ABCB5: variants seen among roughly 807,000 people sequenced by gnomAD.
ABCB5 encodes ATP binding cassette subfamily B member 5, also known as ATP-binding cassette sub-family B member 5.
In ABCB5, 155 loss-of-function variants were observed where a neutral mutation model predicts 144.2. That is an observed-to-expected ratio of 1.08 (90% CI 0.94 to 1.23). The LOEUF (loss-of-function observed/expected upper bound fraction) is 1.23. Among genes scored for constraint, ABCB5 ranks in the 50% most tolerant of loss-of-function variants. The pLI is 0.00. For missense variants in ABCB5, 1,830 were observed against 1,520.8 expected (o/e 1.20, Z -3.38); for synonymous variants, 610 against 528.6 (o/e 1.15, Z -2.11).
intron 7 of ABCB5, among the ~76,000 whole-genome samples, chr7:20,644,929 A>T (rs1784369251): frequency 6.6e-6 from 1 of 152,224 alleles, no homozygotes; most frequent in Admixed American, 6.5e-5. Flanking sequence ...ATTTGAAATG[A>T]GGAAGGAAAT....
At chr7:20,648,160 T>C in intron 11 of ABCB5, 82 bp downstream of exon 11, 1 of 858,506 alleles carries the variant, frequency 1.2e-6, no homozygotes, top group Non-Finnish European at 1.8e-6. Context: ...CATGATTACT[T>C]AGGATCACTT....
intron 13 of ABCB5, among the ~76,000 whole-genome samples, chr7:20,657,333 G>A (rs996554480): frequency 1.3e-5 from 2 of 152,106 alleles, no homozygotes; most frequent in African/African-American, 2.4e-5. Flanking sequence ...AAAACTCATT[G>A]CTTTTCTGAA....
At chr7:20,744,586 T>C (rs1042998053) in intron 25 of ABCB5, among the ~76,000 whole-genome samples, 2 of 150,230 alleles carry the variant, frequency 1.3e-5, no homozygotes, top group African/African-American at 4.9e-5. Context: ...GTTTATTGCA[T>C]GCCTCTCTGC....
At chr7:20,750,174 T>C (rs1366637883) in intron 26 of ABCB5, among the ~76,000 whole-genome samples, 3 of 152,178 alleles carry the variant, frequency 2.0e-5, no homozygotes, top group Non-Finnish European at 2.9e-5. Context: ...AGTTCAGAGC[T>C]ATTTCCAGGG....
chr7:20,647,159 A>AG (rs1465886900), intron 9 of ABCB5: 1 of 374,808 alleles, frequency 2.7e-6, no homozygotes, highest in Non-Finnish European at 3.7e-6. Context: ...TTAAAGTTCA[A>AG]GGGGTCACCC....
chr7:20,750,381 C>A (rs1208573644), intron 26 of ABCB5, among the ~76,000 whole-genome samples: 1 of 134,996 alleles, frequency 7.4e-6, no homozygotes, highest in Non-Finnish European at 1.6e-5. Flanking sequence ...AAGGCTTCCC[C>A]CTACACACAC....
intron 5 of ABCB5, chr7:20,641,960 C>G (rs1784305287): frequency 6.6e-6 from 1 of 152,258 alleles, no homozygotes; most frequent in African/African-American, 2.4e-5. Flanking sequence ...CAAAATACAC[C>G]TAAAATCTAT....
chr7:20,649,199 C>T (rs1291909553), intron 11 of ABCB5, among the ~76,000 whole-genome samples: 1 of 152,156 alleles, frequency 6.6e-6, no homozygotes, highest in African/African-American at 2.4e-5. Flanking sequence ...GGTACTCCTA[C>T]TGGTGGTCCC....
At chr7:20,709,901 C>T (rs906913927) in intron 20 of ABCB5, among the ~76,000 whole-genome samples, 1 of 148,596 alleles carries the variant, frequency 6.7e-6, no homozygotes, top group Non-Finnish European at 1.5e-5. Flanking sequence ...ATGGTGAAAC[C>T]CTGTCTCTAC....
rs761362365 is a variant in ABCB5, at chr7:20,646,060, C to A, written c.903C>A (p.Thr301=). The A allele has an allele frequency of 6.2e-7, 1 of 1,613,734 alleles. No individual in the cohort carries two copies. Among genetic ancestry groups the A allele is most frequent in the African/African-American group, 1.3e-5 (1 of 75,006 alleles). The part of the protein sequence containing the change: ...LGAVYFFMNG[T]YGLAFWYGTS... ...CTGTGTACTTCTTTATGAATGGAAC[C>A]TATGGACTTGCTTTTTGGTATGGAA... is the stretch of plus-strand genomic sequence containing the variant. The change falls in exon 9 of 28, where the codon ACC becomes ACA. Residue 301 remains threonine (T), a synonymous_variant. Transcript: ENST00000404938.
At chr7:20,702,941 GTTTTCATATATA>G (rs1786684861) in intron 19 of ABCB5, among the ~76,000 whole-genome samples, 1 of 148,076 alleles carries the variant, frequency 6.8e-6, no homozygotes, top group African/African-American at 2.5e-5. Flanking sequence ...CTCCCTAAAT[GTTTTCATATATA>G]TTGCCTATGC....
At position 20,753,449 on chromosome 7, in the gene ABCB5, AC is replaced by A. The variant is rs775906462; in HGVS notation, c.3522del (p.Ile1176PhefsTer33). On this transcript the variant is annotated frameshift_variant, in exon 27 of 28. Coordinates refer to ENST00000404938, the MANE Select transcript of ABCB5 (RefSeq NM_001163941.2). LOFTEE classifies it high-confidence loss of function. The stretch of plus-strand genomic sequence containing the variant: ...CTATTGCAAGGGCTCTTCTCCAAAA[AC>A]CCAAAATTTTATTGTTGGATGAGGC... The part of the protein sequence containing the change: ...LAIARALLQK[P>X]KILLLDEATS... 27 of 1,613,914 alleles carry A rather than the reference AC, an allele frequency of 1.7e-5. No homozygotes were observed. The highest frequency in any genetic ancestry group is 1.9e-5 in the Non-Finnish European group (22 of 1,179,982).
At chr7:20,715,416 C>CGT (rs1354283731) in intron 20 of ABCB5, among the ~76,000 whole-genome samples, 7 of 151,094 alleles carry the variant, frequency 4.6e-5, no homozygotes, top group African/African-American at 1.5e-4. Context: ...TGTGTGTGTG[C>CGT]GTGTGTGTGT....
chr7:20,642,455 CT>C (rs1429680426), intron 5 of ABCB5, among the ~76,000 whole-genome samples: 1 of 152,164 alleles, frequency 6.6e-6, no homozygotes, highest in Non-Finnish European at 1.5e-5. Context: ...TGCACTAGCT[CT>C]CCCAACCCAT....
At chr7:20,640,318 GT>G (rs1334092919) in intron 5 of ABCB5, among the ~76,000 whole-genome samples, 1 of 152,054 alleles carries the variant, frequency 6.6e-6, no homozygotes, top group African/African-American at 2.4e-5. Flanking sequence ...CAAACTTTTC[GT>G]CAACCAAATA....
chr7:20,660,741 C>T (rs562281940), intron 14 of ABCB5, among the ~76,000 whole-genome samples: 3 of 152,252 alleles, frequency 2.0e-5, no homozygotes, highest in Non-Finnish European at 2.9e-5. Flanking sequence ...CAGTTTTATG[C>T]TGCTCAAAAT....
rs1783963243 is a variant in ABCB5 at position 20,628,673 on chromosome 7, CT to C, written c.109-12del. ...GTTTTACAGTTGTGGTGCTACCGTG[CT>C]TTGTTTTCCTCAGTTCCGCTTTGCT... On this transcript the variant is annotated splice_polypyrimidine_tract_variant and intron_variant, in intron 3 of 27. Transcript: ENST00000404938. 6.2e-7 allele frequency: 1 copy of C among 1,607,430 alleles called. No individual in the cohort carries two copies. Among genetic ancestry groups the C allele is most frequent in the Non-Finnish European group, 8.5e-7 (1 of 1,176,476 alleles).
intron 21 of ABCB5, 102 bp from the exon 22 acceptor site, chr7:20,726,938 T>A (rs1231065951): frequency 1.6e-6 from 1 of 635,302 alleles, no homozygotes; most frequent in East Asian, 3.1e-5. Flanking sequence ...ACTGACTTGA[T>A]ATACTTAATA....
chr7:20,739,202 C>A, intron 24 of ABCB5, 63 bp downstream of exon 24: 1 of 1,448,684 alleles, frequency 6.9e-7, no homozygotes. Flanking sequence ...CTGGGGGCCA[C>A]TGAAGATGGG....
Sources: gnomAD v4.1 joint callset for allele counts (sites outside exome capture counted in the v4.1 genomes callset) on GRCh38, gnomAD v4.1.1 for gene constraint, MANE v1.5 for transcripts, NCBI Gene and HGNC (gene_info 2026-07-23, HGNC 2026-07-21) for gene names.